Variants in ST6GALNAC3 observed in about 807,000 individuals in gnomAD.
ST6GALNAC3 encodes the protein alpha-N-acetylgalactosaminide alpha-2,6-sialyltransferase 3.
Under a neutral mutation model 32.7 loss-of-function variants are expected in ST6GALNAC3, and 25 were observed. The ratio of observed to expected loss-of-function variants is 0.76; its 90% CI spans 0.56 to 1.07. ST6GALNAC3 has a LOEUF of 1.07. ST6GALNAC3 is among the 50% of genes least tolerant of loss of function. The probability of loss-of-function intolerance (pLI) is 0.00; values close to 1 mark genes in which losing one functional copy is unlikely to be tolerated. For synonymous variants in ST6GALNAC3, 129 were observed against 133.1 expected (o/e 0.97, Z 0.21); for missense variants, 355 against 382.4 (o/e 0.93, Z 0.60).
intron 1 of ST6GALNAC3, among the ~76,000 whole-genome samples, chr1:76,181,357 T>C (rs1653168603): frequency 6.6e-6 from 1 of 152,246 alleles, no homozygotes; most frequent in African/African-American, 2.4e-5. Flanking sequence ...GCCTCTATTT[T>C]ACTTCTAAAA....
chr1:76,601,600 A>G (rs1050681744), intron 3 of ST6GALNAC3, among the ~76,000 whole-genome samples: 5 of 152,248 alleles, frequency 3.3e-5, no homozygotes, highest in African/African-American at 1.2e-4. Flanking sequence ...TCCAAGTTCT[A>G]TGCTGTATTT....
intron 3 of ST6GALNAC3, among the ~76,000 whole-genome samples, chr1:76,582,951 T>G (rs1203377851): frequency 6.6e-6 from 1 of 152,194 alleles, no homozygotes; most frequent in Admixed American, 6.5e-5. Context: ...CATTTAATAC[T>G]GCCCCTGCAG....
chr1:76,086,642 AC>A (rs1413869474), intron 1 of ST6GALNAC3, among the ~76,000 whole-genome samples: 1 of 152,206 alleles, frequency 6.6e-6, no homozygotes, highest in Non-Finnish European at 1.5e-5. Context: ...AAGGAACCAT[AC>A]TATCAACCCA....
chr1:76,518,466 T>C (rs2101780674), intron 3 of ST6GALNAC3, among the ~76,000 whole-genome samples: 1 of 152,256 alleles, frequency 6.6e-6, no homozygotes, highest in South Asian at 2.1e-4. Flanking sequence ...CTTCTTCTTT[T>C]GTATTAAGCT....
intron 1 of ST6GALNAC3, among the ~76,000 whole-genome samples, chr1:76,248,710 T>C (rs973579349): frequency 6.6e-6 from 1 of 152,174 alleles, no homozygotes; most frequent in Non-Finnish European, 1.5e-5. Context: ...TCTTCTCTCC[T>C]TTTCCTTCCC....
intron 1 of ST6GALNAC3, among the ~76,000 whole-genome samples, chr1:76,208,079 C>G (rs1654929540): frequency 1.4e-5 from 2 of 146,018 alleles, no homozygotes; most frequent in South Asian, 4.5e-4. Context: ...AGAACCCATG[C>G]TAGTCCTTTC....
At chr1:76,336,449 C>T (rs1216964627) in intron 2 of ST6GALNAC3, among the ~76,000 whole-genome samples, 1 of 152,092 alleles carries the variant, frequency 6.6e-6, no homozygotes, top group Non-Finnish European at 1.5e-5. Flanking sequence ...GTGAAATAAA[C>T]AAGGCTCAGT....
chr1:76,547,002 G>A (rs1397428529), intron 3 of ST6GALNAC3, among the ~76,000 whole-genome samples: 1 of 152,182 alleles, frequency 6.6e-6, no homozygotes, highest in Non-Finnish European at 1.5e-5. Context: ...AGAAAGCTAA[G>A]GGAAGAGAAA....
intron 3 of ST6GALNAC3, among the ~76,000 whole-genome samples, chr1:76,556,867 A>G (rs1664958146): frequency 6.6e-6 from 1 of 151,924 alleles, no homozygotes. Flanking sequence ...AATGTTTTTA[A>G]TTTTGATAAA....
At chr1:76,234,964 C>T (rs114815805) in intron 1 of ST6GALNAC3, among the ~76,000 whole-genome samples, 2,366 of 152,246 alleles carry the variant, frequency 0.016, 78 homozygotes, top group African/African-American at 0.055. Flanking sequence ...ATATAGTCCA[C>T]CTCTGCAAAG....
In ST6GALNAC3 at chr1:76,445,306, T is replaced by C. The variant is rs188543729; in HGVS notation, c.623+32889T>C. On this transcript the variant is annotated intron_variant, in intron 3 of 4. Transcript: ENST00000328299. ...CATCTAGCATCTCCTGGGTACATGA[T>C]AGATATGCAAATCCTCAGGTCTCAC... Among the ~76,000 whole-genome samples, 380 of 152,296 alleles carry C rather than the reference T, an allele frequency of 2.5e-3. 2 individuals carry two copies. The highest frequency in any genetic ancestry group is 8.6e-3 in the African/African-American group (356 of 41,570).
chr1:76,581,169 G>T (rs1284184159), intron 3 of ST6GALNAC3, among the ~76,000 whole-genome samples: 1 of 151,980 alleles, frequency 6.6e-6, no homozygotes, highest in Non-Finnish European at 1.5e-5. Flanking sequence ...CGGCCTCAAA[G>T]GAACAAGTAA....
At chr1:76,505,646 G>C (rs1466809882) in intron 3 of ST6GALNAC3, among the ~76,000 whole-genome samples, 2 of 152,102 alleles carry the variant, frequency 1.3e-5, no homozygotes, top group East Asian at 1.9e-4. Flanking sequence ...TTTGGAAGTA[G>C]AATCACCTCA....
intron 1 of ST6GALNAC3, among the ~76,000 whole-genome samples, chr1:76,201,603 G>C (rs1654522005): frequency 6.6e-6 from 1 of 151,962 alleles, no homozygotes. Flanking sequence ...AAAAATAATA[G>C]CTTCCCTGCT....
chr1:76,429,519 G>C (rs1281907809), intron 3 of ST6GALNAC3, among the ~76,000 whole-genome samples: 1 of 152,080 alleles, frequency 6.6e-6, no homozygotes, highest in Admixed American at 6.6e-5. Flanking sequence ...TGCACATTTA[G>C]ATAATCATCC....
At chr1:76,232,308 T>G (rs1656405737) in intron 1 of ST6GALNAC3, among the ~76,000 whole-genome samples, 1 of 152,200 alleles carries the variant, frequency 6.6e-6, no homozygotes, top group South Asian at 2.1e-4. Context: ...TGAGCTTATT[T>G]CTGTGTTGTC....
intron 3 of ST6GALNAC3, among the ~76,000 whole-genome samples, chr1:76,460,495 A>G (rs935037977): frequency 1.3e-5 from 2 of 152,066 alleles, no homozygotes; most frequent in African/African-American, 2.4e-5. Flanking sequence ...TCCTTTGATC[A>G]TTGGTTATCT....
chr1:76,198,626 A>G (rs1341934313), intron 1 of ST6GALNAC3, among the ~76,000 whole-genome samples: 1 of 152,182 alleles, frequency 6.6e-6, no homozygotes, highest in Non-Finnish European at 1.5e-5. Flanking sequence ...AGAGAGAGGA[A>G]TCAAGTCTGC....
intron 3 of ST6GALNAC3, among the ~76,000 whole-genome samples, chr1:76,417,392 C>T (rs6691055): frequency 0.16 from 25,070 of 152,042 alleles, 2,266 homozygotes; most frequent in Middle Eastern, 0.3. Flanking sequence ...GACCAAAATA[C>T]CTTTTCCCCT....
Sources: gnomAD v4.1 joint callset for allele counts (sites outside exome capture counted in the v4.1 genomes callset) on GRCh38, gnomAD v4.1.1 for gene constraint, MANE v1.5 for transcripts, NCBI Gene and HGNC (gene_info 2026-07-23, HGNC 2026-07-21) for gene names.